The following CNTN4 variants were observed in gnomAD, a reference collection of about 807,000 sequenced individuals.
CNTN4 encodes the protein contactin-4.
A neutral mutation model predicts 122.5 loss-of-function variants in CNTN4; 77 were observed. The ratio of observed to expected loss-of-function variants is 0.63; its 90% CI spans 0.52 to 0.76. CNTN4 has a LOEUF of 0.76. Among genes scored for constraint, CNTN4 ranks in the 30% least tolerant of loss-of-function variants. The pLI, the probability that CNTN4 is intolerant of heterozygous loss-of-function variation, is 0.00. For synonymous variants in CNTN4, 512 were observed against 447.0 expected, an observed-to-expected ratio of 1.15 and a Z score of -1.83; for missense variants, 1,256 against 1,259.1, an observed-to-expected ratio of 1.00 and a Z score of 0.04.
intron 2 of CNTN4, among the ~76,000 whole-genome samples, chr3:2,189,991 T>C (rs1294890345): frequency 1.3e-5 from 2 of 152,166 alleles, no homozygotes; most frequent in African/African-American, 4.8e-5. Flanking sequence ...AGGAAGGTGA[T>C]GATGAACAAG....
At chr3:2,509,812 C>G (rs9881634) in intron 3 of CNTN4, among the ~76,000 whole-genome samples, 1 of 152,158 alleles carries the variant, frequency 6.6e-6, no homozygotes, top group African/African-American at 2.4e-5. Context: ...TCACCTTTCT[C>G]TACCTTTGGA....
At chr3:2,197,703 T>C (rs1307068751) in intron 2 of CNTN4, among the ~76,000 whole-genome samples, 1 of 152,098 alleles carries the variant, frequency 6.6e-6, no homozygotes, top group Non-Finnish European at 1.5e-5. Flanking sequence ...ATGATGGATA[T>C]AGATACATAC....
chr3:2,467,630 G>A (rs1575696875), intron 3 of CNTN4, among the ~76,000 whole-genome samples: 1 of 152,074 alleles, frequency 6.6e-6, no homozygotes, highest in Non-Finnish European at 1.5e-5. Context: ...ATATGTAAAG[G>A]TCCAGGTAGA....
chr3:2,458,613 C>T (rs2049086499), intron 3 of CNTN4, among the ~76,000 whole-genome samples: 1 of 148,782 alleles, frequency 6.7e-6, no homozygotes, highest in Admixed American at 6.7e-5. Context: ...ATGAGCCTTT[C>T]AAGAATGTGC....
At chr3:2,372,891 T>A (rs191715223) in intron 3 of CNTN4, among the ~76,000 whole-genome samples, 4 of 152,000 alleles carry the variant, frequency 2.6e-5, no homozygotes, top group Admixed American at 6.6e-5. Flanking sequence ...CTACTAAAAA[T>A]ACAAAAATTA....
At chr3:2,907,635 C>T (rs2094252285) in intron 12 of CNTN4, among the ~76,000 whole-genome samples, 1 of 151,834 alleles carries the variant, frequency 6.6e-6, no homozygotes, top group African/African-American at 2.4e-5. Flanking sequence ...ATGTTGGTTC[C>T]ACCTATTGAT....
chr3:2,214,328 T>G (rs2149455538), intron 2 of CNTN4, among the ~76,000 whole-genome samples: 1 of 152,304 alleles, frequency 6.6e-6, no homozygotes, highest in African/African-American at 2.4e-5. Flanking sequence ...TCTCTCAATT[T>G]AGACACCTGA....
At chr3:2,941,980 C>G (rs946498881) in intron 13 of CNTN4, among the ~76,000 whole-genome samples, 3 of 152,170 alleles carry the variant, frequency 2.0e-5, no homozygotes, top group African/African-American at 7.2e-5. Context: ...TCAATTTCTT[C>G]TTTGCATTTT....
At chr3:2,375,568 T>A (rs1264128472) in intron 3 of CNTN4, among the ~76,000 whole-genome samples, 1 of 152,130 alleles carries the variant, frequency 6.6e-6, no homozygotes, top group East Asian at 1.9e-4. Context: ...AGGAGGCAGG[T>A]GATTGCCTAA....
intron 20 of CNTN4, among the ~76,000 whole-genome samples, chr3:3,041,326 G>A (rs1336085930): frequency 6.6e-6 from 1 of 152,278 alleles, no homozygotes; most frequent in African/African-American, 2.4e-5. Context: ...CATTGCCAAA[G>A]GATTTACAAT....
At chr3:2,868,560 G>C (rs1264078213) in intron 8 of CNTN4, among the ~76,000 whole-genome samples, 5 of 152,160 alleles carry the variant, frequency 3.3e-5, no homozygotes, top group African/African-American at 1.2e-4. Context: ...TATATACTAA[G>C]CAGCTCTGAA....
chr3:2,891,304 T>TGTG (rs1471401556), intron 10 of CNTN4, among the ~76,000 whole-genome samples: 2 of 151,714 alleles, frequency 1.3e-5, no homozygotes, highest in African/African-American at 2.4e-5. Context: ...ATTAGCTGGG[T>TGTG]GTGGTGGTGG....
Position 3,026,107 on chromosome 3 carries a change from A to G in CNTN4, c.1492A>G (p.Thr498Ala), listed in dbSNP as rs780962326. The change falls in exon 15 of 25, where the codon ACA becomes GCA. Residue 498 changes from threonine (T) to alanine (A), a missense_variant. By Grantham distance (58) the Thr-to-Ala change is moderately conservative (BLOSUM62 0). Transcript: ENST00000418658. ...GTTTTGTTTTAACTCTCCAGATCCAACAAGGGTAATGGTACCCCCTTCCAG... is the reference window on the plus strand; with the variant it reads ...GTTTTGTTTTAACTCTCCAGATCCAGCAAGGGTAATGGTACCCCCTTCCAG... ...STGNLVVKDP[T>A]RVMVPPSSMD... The G allele has an allele frequency of 1.7e-5, 28 of 1,613,142 alleles. No individual in the cohort carries two copies. The East Asian group carries it at 5.6e-4, about 32-fold the overall frequency.
chr3:2,723,962 G>A (rs1295714285), intron 4 of CNTN4, among the ~76,000 whole-genome samples: 1 of 152,094 alleles, frequency 6.6e-6, no homozygotes, highest in East Asian at 1.9e-4. Flanking sequence ...TTGTCTGTGG[G>A]TTATATGAAC....
chr3:2,788,580 C>A (rs2091912241), intron 6 of CNTN4, among the ~76,000 whole-genome samples: 1 of 152,316 alleles, frequency 6.6e-6, no homozygotes, highest in East Asian at 1.9e-4. Context: ...TCTCCACAAT[C>A]TTTGGAAAAA....
At chr3:2,781,534 G>A (rs1041410576) in intron 6 of CNTN4, among the ~76,000 whole-genome samples, 12 of 151,988 alleles carry the variant, frequency 7.9e-5, no homozygotes, top group Non-Finnish European at 1.2e-4. Flanking sequence ...AGGTGACTAT[G>A]GCCTGTGACA....
At chr3:3,014,521 A>T (rs192522768) in intron 14 of CNTN4, among the ~76,000 whole-genome samples, 2 of 150,810 alleles carry the variant, frequency 1.3e-5, no homozygotes, top group East Asian at 3.9e-4. Context: ...ATGGTGCTCC[A>T]CAAAAGACTG....
chr3:2,928,328 A>G (rs1559679186), intron 13 of CNTN4, among the ~76,000 whole-genome samples: 1 of 152,232 alleles, frequency 6.6e-6, no homozygotes. Flanking sequence ...GAAAGATTTT[A>G]TGATTGTTTT....
chr3:2,775,263 G>A (rs1032141324), intron 6 of CNTN4, among the ~76,000 whole-genome samples: 1 of 152,076 alleles, frequency 6.6e-6, no homozygotes, highest in African/African-American at 2.4e-5. Flanking sequence ...TCATTCTTAT[G>A]AATCTGTTTT....
Sources: gnomAD v4.1 joint callset for allele counts (sites outside exome capture counted in the v4.1 genomes callset) on GRCh38, gnomAD v4.1.1 for gene constraint, MANE v1.5 for transcripts, NCBI Gene and HGNC (gene_info 2026-07-23, HGNC 2026-07-21) for gene names.